The following SEC31A variants were observed in gnomAD, a reference collection of about 807,000 sequenced individuals.
The protein encoded by SEC31A is protein transport protein Sec31A.
A neutral mutation model predicts 151.0 loss-of-function variants in SEC31A; 70 were observed. The ratio of observed to expected loss-of-function variants is 0.46; its 90% CI spans 0.38 to 0.57. The LOEUF (loss-of-function observed/expected upper bound fraction) is 0.57, where lower values mean the gene tolerates loss of function less well. SEC31A is among the 20% of genes least tolerant of loss of function. The pLI, the probability that SEC31A is intolerant of heterozygous loss-of-function variation, is 0.00. For missense variants in SEC31A, 1,330 were observed against 1,471.2 expected, an observed-to-expected ratio of 0.90 and a Z score of 1.57; for synonymous variants, 475 against 505.9, an observed-to-expected ratio of 0.94 and a Z score of 0.82.
chr4:82,888,956 T>C (rs1286551403), intron 1 of SEC31A, among the ~76,000 whole-genome samples: 1 of 152,242 alleles, frequency 6.6e-6, no homozygotes, highest in African/African-American at 2.4e-5. Context: ...GGTAATAGAA[T>C]TGGAACTTGG....
chr4:82,844,496 G>A lies in SEC31A; in HGVS notation c.2516C>T (p.Pro839Leu). ...QQYYPHGENP[P>L]PPGFIMHGNV... is the part of the protein sequence containing the mutation. ...TCCATGCATTATGAAACCCGGAGGT[G>A]GAGGATTTTCTCCCTAAGAAACAAG... The change falls in exon 21 of 27, where the codon CCA becomes CTA. Residue 839 changes from proline to leucine, a missense_variant. Physicochemically the swap from Pro to Leu is moderately conservative, Grantham distance 98. Transcript: ENST00000395310. 1.2e-6 allele frequency: 2 copies of A among 1,613,750 alleles called. No homozygotes were observed. Among genetic ancestry groups the A allele is most frequent in the South Asian group, 1.1e-5 (1 of 91,054 alleles).
At chr4:82,872,212 GATCT>G (rs1422583727) in intron 6 of SEC31A, 126 bp from the exon 7 acceptor site, 2 of 740,228 alleles carry the variant, frequency 2.7e-6, no homozygotes, top group Non-Finnish European at 4.4e-6. Context: ...TTTTATTTAT[GATCT>G]ATTTATTGTC....
chr4:82,830,123 A>C (rs988373868), intron 22 of SEC31A, among the ~76,000 whole-genome samples: 1 of 152,242 alleles, frequency 6.6e-6, no homozygotes, highest in African/African-American at 2.4e-5. Flanking sequence ...AACTTTAAAA[A>C]ATACAGATCT....
intron 3 of SEC31A, among the ~76,000 whole-genome samples, chr4:82,899,127 A>G (rs1720191827): frequency 6.6e-6 from 1 of 152,210 alleles, no homozygotes; most frequent in Non-Finnish European, 1.5e-5. Flanking sequence ...ATTAGTTCAT[A>G]ATTCCACTTA....
chr4:82,854,676 CTCTTGTCTG>C (rs1191474145), intron 17 of SEC31A, among the ~76,000 whole-genome samples: 2 of 148,656 alleles, frequency 1.3e-5, no homozygotes. Flanking sequence ...AAGATTCCAA[CTCTTGTCTG>C]TCTGAAACCA....
At chr4:82,841,442 T>TTATATATATATATATATATATG (rs1553926940) in intron 22 of SEC31A, among the ~76,000 whole-genome samples, 1 of 64,460 alleles carries the variant, frequency 1.6e-5, no homozygotes, top group Non-Finnish European at 3.8e-5. Flanking sequence ...AAAAAAAATT[T>TTATATATATATATATATATATG]TATATATATA....
chr4:82,831,812 T>C (rs1282231225), intron 22 of SEC31A, among the ~76,000 whole-genome samples: 1 of 152,148 alleles, frequency 6.6e-6, no homozygotes, highest in African/African-American at 2.4e-5. Flanking sequence ...CCATTCACAA[T>C]TGCTACTAAG....
chr4:82,849,439 C>G (rs1016205573), intron 19 of SEC31A, among the ~76,000 whole-genome samples: 3 of 151,668 alleles, frequency 2.0e-5, no homozygotes, highest in Non-Finnish European at 4.4e-5. Flanking sequence ...ACGGTGAAAC[C>G]CCATCTCTAC....
chr4:82,826,535 T>C (rs947118024), intron 24 of SEC31A, among the ~76,000 whole-genome samples: 2 of 152,210 alleles, frequency 1.3e-5, no homozygotes, highest in African/African-American at 4.8e-5. Context: ...GTATTTTTAG[T>C]AGAGACAGGG....
chr4:82,820,140 T>TG lies in SEC31A; in HGVS notation c.3484-888_3484-887insC, dbSNP rs1560574776. ...ACGCTAATTGTATCTTCTGTTTTTT[T>TG]TTTTTTTTTTTGGAAATGCGGTCTT... On this transcript the variant is annotated intron_variant, in intron 26 of 26. Coordinates refer to ENST00000395310, the MANE Select transcript of SEC31A (RefSeq NM_001077207.4). Among the ~76,000 whole-genome samples the TG allele has an allele frequency of 4.0e-5, 6 of 150,674 alleles. No individual in the cohort carries two copies. In the South Asian group the frequency reaches 1.3e-3, roughly 32 times the overall value.
chr4:82,866,682 A>T (rs1249639448), intron 10 of SEC31A, 126 bp downstream of exon 10: 1 of 801,592 alleles, frequency 1.2e-6, no homozygotes, highest in East Asian at 2.9e-5. Flanking sequence ...GAATGATGAA[A>T]TACCCACAAG....
chr4:82,859,823 G>T (rs1425702082), intron 14 of SEC31A, among the ~76,000 whole-genome samples: 1 of 144,668 alleles, frequency 6.9e-6, no homozygotes, highest in Non-Finnish European at 1.5e-5. Context: ...ACAGGGTCTC[G>T]CTCTGTCGCC....
chr4:82,872,522 T>A (rs1351552472), intron 6 of SEC31A, among the ~76,000 whole-genome samples: 4 of 152,020 alleles, frequency 2.6e-5, no homozygotes, highest in African/African-American at 7.2e-5. Flanking sequence ...CAAAAACAAA[T>A]GTAAAACTAC....
chr4:82,874,470 A>AT, intron 6 of SEC31A, 141 bp downstream of exon 6: 1 of 754,128 alleles, frequency 1.3e-6, no homozygotes, highest in Non-Finnish European at 2.0e-6. Context: ...AAAACAAAAC[A>AT]TTCCTTCTAA....
chr4:82,823,852 T>C (rs1190497134), intron 25 of SEC31A, among the ~76,000 whole-genome samples: 1 of 152,204 alleles, frequency 6.6e-6, no homozygotes, highest in East Asian at 1.9e-4. Context: ...TTATGCTCCA[T>C]TTATGTGCCA....
chr4:82,839,804 G>A (rs4314275), intron 22 of SEC31A, among the ~76,000 whole-genome samples: 100,574 of 152,118 alleles, frequency 0.66, 35,992 homozygotes, highest in Non-Finnish European at 0.79. Flanking sequence ...TCCTCTTCCT[G>A]TTAGTCACTC....
chr4:82,875,129 A>G (rs922914645), intron 5 of SEC31A, among the ~76,000 whole-genome samples: 3 of 152,248 alleles, frequency 2.0e-5, no homozygotes, highest in Non-Finnish European at 2.9e-5. Flanking sequence ...AGCCTAGACC[A>G]TTAGCAAAAT....
Position 82,862,443 on chromosome 4 carries a change from C to A in SEC31A, c.1548+91G>T, listed in dbSNP as rs1734412164. 4.6e-6 allele frequency: 4 copies of A among 874,500 alleles called. No homozygotes were observed. The South Asian group carries it at 5.8e-5, about 13-fold the overall frequency. 54.2% of individuals were successfully genotyped at this position (874,500 alleles called of 1,614,324 possible). On this transcript the variant is annotated intron_variant, in intron 13 of 26. Coordinates refer to ENST00000395310, the MANE Select transcript of SEC31A (RefSeq NM_001077207.4). ...AAGCATTTATTTTTATACCATAAAG[C>A]ATAAAACACAAATTTCTTAAATGAT...
chr4:82,878,685 T>A (rs1208506095), intron 4 of SEC31A, 45 bp downstream of exon 4: 1 of 1,504,928 alleles, frequency 6.6e-7, no homozygotes, highest in Non-Finnish European at 9.2e-7. Flanking sequence ...TGATTTCAAA[T>A]GAGCAGCACA....
Sources: allele counts gnomAD v4.1 joint callset (sites outside exome capture counted in the v4.1 genomes callset), GRCh38; gene constraint gnomAD v4.1.1; transcripts MANE v1.5; gene names NCBI Gene and HGNC (gene_info 2026-07-23, HGNC 2026-07-21).